The following COG5 variants were observed in gnomAD, a reference collection of about 807,000 sequenced individuals.
The protein encoded by COG5 is conserved oligomeric Golgi complex subunit 5.
A neutral mutation model predicts 110.4 loss-of-function variants in COG5; 86 were observed. That is an observed-to-expected ratio of 0.78 (90% CI 0.65 to 0.93). The LOEUF (loss-of-function observed/expected upper bound fraction) is 0.93, where lower values mean the gene tolerates loss of function less well. COG5 is among the 40% of genes least tolerant of loss of function. COG5 has a pLI of 0.00. For synonymous variants in COG5, 360 were observed against 334.6 expected, an observed-to-expected ratio of 1.08 and a Z score of -0.83; for missense variants, 1,077 against 987.0, an observed-to-expected ratio of 1.09 and a Z score of -1.22.
chr7:107,427,964 T>G (rs1793762646), intron 6 of COG5, among the ~76,000 whole-genome samples: 1 of 152,080 alleles, frequency 6.6e-6, no homozygotes, highest in African/African-American at 2.4e-5. Context: ...GGTCCGAAGC[T>G]TTTATGGGCT....
intron 6 of COG5, among the ~76,000 whole-genome samples, chr7:107,459,054 T>C (rs1795834070): frequency 6.6e-6 from 1 of 151,514 alleles, no homozygotes. Flanking sequence ...GAACAAGGAA[T>C]ACATGGAACA....
In COG5 at chr7:107,231,809, T is replaced by C. The variant is rs750863176; in HGVS notation, c.2092-1118A>G. On this transcript the variant is annotated intron_variant, in intron 18 of 21. Transcript: ENST00000297135. ...ATTAGATGATTAGATGATTAGACTA[T>C]CTTGCCTTCACTAAATTCTCAAATT... Among the ~76,000 whole-genome samples, 109 of 151,226 alleles carry C rather than the reference T, an allele frequency of 7.2e-4. 2 individuals carry two copies. The highest frequency in any genetic ancestry group is 1.8e-3 in the Admixed American group (28 of 15,172).
chr7:107,319,005 G>C (rs1554412856), intron 11 of COG5, among the ~76,000 whole-genome samples: 1 of 151,764 alleles, frequency 6.6e-6, no homozygotes, highest in Non-Finnish European at 1.5e-5. Flanking sequence ...GTGTCCCATG[G>C]GTCCTAAGAC....
intron 14 of COG5, among the ~76,000 whole-genome samples, chr7:107,273,640 T>C (rs1804456614): frequency 6.6e-6 from 1 of 152,200 alleles, no homozygotes; most frequent in Non-Finnish European, 1.5e-5. Flanking sequence ...AAAATCTTCC[T>C]GATGGTACTG....
At chr7:107,436,802 C>A (rs1003914039) in intron 6 of COG5, among the ~76,000 whole-genome samples, 1 of 152,126 alleles carries the variant, frequency 6.6e-6, no homozygotes, top group Non-Finnish European at 1.5e-5. Context: ...AGAGTTGGAT[C>A]ATGAGTGCTC....
intron 18 of COG5, 121 bp downstream of exon 18, chr7:107,236,326 TAAG>T: frequency 1.3e-6 from 1 of 755,378 alleles, no homozygotes; most frequent in Non-Finnish European, 2.4e-6. Flanking sequence ...TATTTATGCT[TAAG>T]TGGGCTTACT....
intron 7 of COG5, among the ~76,000 whole-genome samples, chr7:107,404,492 A>G (rs1791664233): frequency 6.6e-6 from 1 of 152,232 alleles, no homozygotes; most frequent in South Asian, 2.1e-4. Flanking sequence ...TAAAATACAT[A>G]TAAGCTGTAG....
intron 11 of COG5, among the ~76,000 whole-genome samples, chr7:107,306,716 T>C (rs957092359): frequency 2.6e-5 from 4 of 152,152 alleles, no homozygotes; most frequent in African/African-American, 9.7e-5. Flanking sequence ...ACACAATCTC[T>C]TCCAAACTTC....
chr7:107,293,403 C>T (rs1348436472), intron 12 of COG5, among the ~76,000 whole-genome samples: 2 of 152,164 alleles, frequency 1.3e-5, no homozygotes, highest in South Asian at 2.1e-4. Context: ...TTCTTGGCTA[C>T]TGCAGTCTAG....
At chr7:107,298,682 T>C (rs981212875) in intron 11 of COG5, among the ~76,000 whole-genome samples, 8 of 152,258 alleles carry the variant, frequency 5.3e-5, no homozygotes, top group African/African-American at 1.4e-4. Context: ...TAACACCCAA[T>C]TGACTTAATA....
intron 6 of COG5, among the ~76,000 whole-genome samples, chr7:107,525,136 C>G (rs1390884288): frequency 2.0e-5 from 3 of 152,110 alleles, no homozygotes; most frequent in East Asian, 3.9e-4. Context: ...CCATGTTGGC[C>G]AGGATGGTCT....
intron 7 of COG5, among the ~76,000 whole-genome samples, chr7:107,396,176 T>C (rs1790994263): frequency 1.3e-5 from 2 of 152,090 alleles, no homozygotes; most frequent in African/African-American, 4.8e-5. Flanking sequence ...TGGAGCTCCA[T>C]GGGAGATTAC....
chr7:107,354,694 A>C (rs930176027), intron 10 of COG5, among the ~76,000 whole-genome samples: 1 of 151,834 alleles, frequency 6.6e-6, no homozygotes, highest in Admixed American at 6.6e-5. Flanking sequence ...ACAACAACAA[A>C]AAAGCGAAAC....
intron 7 of COG5, among the ~76,000 whole-genome samples, chr7:107,405,523 A>G (rs1473372332): frequency 6.6e-6 from 1 of 152,242 alleles, no homozygotes; most frequent in African/African-American, 2.4e-5. Context: ...ACTTTGTGAG[A>G]AAGCCAGGTC....
intron 6 of COG5, among the ~76,000 whole-genome samples, chr7:107,416,913 G>C (rs942174130): frequency 6.6e-6 from 1 of 152,166 alleles, no homozygotes; most frequent in Non-Finnish European, 1.5e-5. Flanking sequence ...TTAGAAGTCA[G>C]AGGAATATTA....
intron 6 of COG5, among the ~76,000 whole-genome samples, chr7:107,516,833 C>A (rs1337924734): frequency 6.6e-6 from 1 of 152,160 alleles, no homozygotes; most frequent in Non-Finnish European, 1.5e-5. Flanking sequence ...GACCCCCACA[C>A]AAAAACCCCA....
intron 7 of COG5, among the ~76,000 whole-genome samples, chr7:107,376,238 A>C (rs926360454): frequency 6.6e-6 from 1 of 151,998 alleles, no homozygotes; most frequent in African/African-American, 2.4e-5. Flanking sequence ...TCTGTTCTTC[A>C]ATTTGGTATA....
At chr7:107,511,600 A>C (rs954901121) in intron 6 of COG5, among the ~76,000 whole-genome samples, 14 of 152,214 alleles carry the variant, frequency 9.2e-5, no homozygotes, top group Non-Finnish European at 1.9e-4. Flanking sequence ...AAAAAAAGAG[A>C]GTTTTAGACC....
chr7:107,479,039 T>C (rs1256903895), intron 6 of COG5, among the ~76,000 whole-genome samples: 2 of 152,064 alleles, frequency 1.3e-5, no homozygotes, highest in Non-Finnish European at 2.9e-5. Context: ...GAAAGAGTCA[T>C]TACCCTCAAG....
Sources: gnomAD v4.1 joint callset for allele counts (sites outside exome capture counted in the v4.1 genomes callset) on GRCh38, gnomAD v4.1.1 for gene constraint, MANE v1.5 for transcripts, NCBI Gene and HGNC (gene_info 2026-07-23, HGNC 2026-07-21) for gene names.